Variants in OTOGL observed in about 807,000 individuals in gnomAD.
OTOGL encodes the protein otogelin like.
In OTOGL, 285 loss-of-function variants were observed where a neutral mutation model predicts 318.5. That is an observed-to-expected ratio of 0.89 (90% CI 0.81 to 0.99). OTOGL has a LOEUF of 0.99. Among genes scored for constraint, OTOGL ranks in the 50% least tolerant of loss-of-function variants. OTOGL has a pLI of 0.00. For missense variants in OTOGL, 2,899 were observed against 2,845.6 expected, an observed-to-expected ratio of 1.02 and a Z score of -0.43; for synonymous variants, 987 against 936.5, an observed-to-expected ratio of 1.05 and a Z score of -0.99.
intron 3 of OTOGL, 47 bp from the exon 4 acceptor site, chr12:80,211,902 T>C: frequency 6.9e-7 from 1 of 1,450,214 alleles, no homozygotes; most frequent in Non-Finnish European, 9.4e-7. Flanking sequence ...CTTGTTCAGG[T>C]TGCCTAGGGG....
At chr12:80,321,283 CT>C (rs1887315454) in intron 34 of OTOGL, among the ~76,000 whole-genome samples, 1 of 152,168 alleles carries the variant, frequency 6.6e-6, no homozygotes, top group Non-Finnish European at 1.5e-5. Flanking sequence ...AAAAGTCATG[CT>C]TTCTTTTCAA....
chr12:80,142,564 T>C (rs1222878814), intron 1 of OTOGL, among the ~76,000 whole-genome samples: 3 of 152,192 alleles, frequency 2.0e-5, no homozygotes, highest in Non-Finnish European at 4.4e-5. Context: ...TGCATCTGTA[T>C]TGGCAGGAAC....
chr12:80,280,752 G>C (rs1420742865), intron 26 of OTOGL, among the ~76,000 whole-genome samples: 1 of 151,818 alleles, frequency 6.6e-6, no homozygotes, highest in East Asian at 1.9e-4. Context: ...TTTCTGCTTA[G>C]GAATGGCATT....
chr12:80,234,460 G>A (rs1265498555), intron 9 of OTOGL, among the ~76,000 whole-genome samples: 1 of 152,194 alleles, frequency 6.6e-6, no homozygotes, highest in Non-Finnish European at 1.5e-5. Context: ...GGACTACTTA[G>A]AGCATGGGCT....
rs1191130901 is a variant in OTOGL, at chr12:80,352,360, T to C, written c.5331T>C (p.Cys1777=). 6.2e-7 allele frequency: 1 copy of C among 1,612,450 alleles called. No homozygotes were observed. The highest frequency in any genetic ancestry group is 1.3e-5 in the African/African-American group (1 of 74,910). Residue 1777 remains cysteine (C), a synonymous_variant, in exon 45 of 59, where the codon TGT becomes TGC. Transcript: ENST00000547103. ...INYTYFWNYE[C]DALSAYVALC... Reference sequence around the variant, plus strand: ...ATACCTATTTTTGGAACTATGAATGTGATGCACTTTCTGCATATGTGGCTC... The same window carrying C: ...ATACCTATTTTTGGAACTATGAATGCGATGCACTTTCTGCATATGTGGCTC...
chr12:80,137,472 G>C (rs1871652086), intron 1 of OTOGL, among the ~76,000 whole-genome samples: 1 of 152,070 alleles, frequency 6.6e-6, no homozygotes, highest in Non-Finnish European at 1.5e-5. Context: ...AAAACCTCTT[G>C]CCAAATTAGA....
intron 2 of OTOGL, 65 bp downstream of exon 2, chr12:80,209,575 A>G (rs1212446611): frequency 2.6e-6 from 3 of 1,144,668 alleles, no homozygotes; most frequent in Non-Finnish European, 3.7e-6. Context: ...CAATTTATAC[A>G]AATAGTTTTC....
intron 24 of OTOGL, 27 bp from the exon 25 acceptor site, chr12:80,278,141 A>G (rs1264721179): frequency 1.3e-6 from 2 of 1,488,752 alleles, no homozygotes; most frequent in Non-Finnish European, 1.8e-6. Flanking sequence ...GTTCATACTA[A>G]ATAGCATTTT....
chr12:80,134,238 A>G (rs557111174), intron 1 of OTOGL, among the ~76,000 whole-genome samples: 2 of 152,314 alleles, frequency 1.3e-5, no homozygotes, highest in African/African-American at 4.8e-5. Context: ...ATGATTTTGT[A>G]TTATTTTCCA....
chr12:80,336,238 AC>A, intron 39 of OTOGL, 98 bp downstream of exon 39: 1 of 1,369,202 alleles, frequency 7.3e-7, no homozygotes, highest in Non-Finnish European at 9.5e-7. Flanking sequence ...AGCCAAAGTT[AC>A]TGTTTTTGAG....
intron 29 of OTOGL, among the ~76,000 whole-genome samples, chr12:80,307,716 A>T (rs1379176487): frequency 7.2e-6 from 1 of 139,468 alleles, no homozygotes; most frequent in Non-Finnish European, 1.5e-5. Flanking sequence ...CACTTCCCGG[A>T]CGGGGCGGCT....
At chr12:80,131,752 G>A (rs530021086) in intron 1 of OTOGL, 1 of 152,244 alleles carries the variant, frequency 6.6e-6, no homozygotes, top group South Asian at 2.1e-4. Context: ...TTTAATCCCT[G>A]TAAGAATCAT....
chr12:80,259,851 C>A (rs1882383482), intron 18 of OTOGL, among the ~76,000 whole-genome samples: 1 of 152,044 alleles, frequency 6.6e-6, no homozygotes, highest in Admixed American at 6.6e-5. Context: ...AACATTCTTG[C>A]CCATACCCTC....
chr12:80,209,466 C>G lies in OTOGL; in HGVS notation c.35C>G (p.Pro12Arg). 1 of 1,514,276 alleles carries G rather than the reference C, an allele frequency of 6.6e-7. No homozygotes were observed. The highest frequency in any genetic ancestry group is 8.8e-7 in the Non-Finnish European group (1 of 1,132,312). The allele number at this position is 1,514,276 out of a possible 1,614,324, so 93.8% of individuals were successfully genotyped here. The change falls in exon 2 of 59, where the codon CCT becomes CGT. Residue 12 changes from proline (P) to arginine (R), a missense_variant. Transcript: ENST00000547103. ...GTAAGAAAACTCAATTTAATGATAC[C>G]TTGGAGTATATTCTTGCTTCATGTA... ...NIVRKLNLMIPWSIFLLHVLL... is the reference protein window; with the variant it reads ...NIVRKLNLMIRWSIFLLHVLL...
At chr12:80,172,610 T>C (rs983733733) in intron 1 of OTOGL, among the ~76,000 whole-genome samples, 21 of 152,066 alleles carry the variant, frequency 1.4e-4, no homozygotes, top group African/African-American at 5.1e-4. Flanking sequence ...TTCTATGTTT[T>C]TTTTTTCCTA....
chr12:80,184,657 T>C (rs1875161857), intron 1 of OTOGL, among the ~76,000 whole-genome samples: 1 of 152,124 alleles, frequency 6.6e-6, no homozygotes, highest in Admixed American at 6.5e-5. Context: ...CTGTTGCCCA[T>C]AGTGCTGGAG....
intron 19 of OTOGL, among the ~76,000 whole-genome samples, chr12:80,262,894 A>G (rs1395404979): frequency 6.6e-6 from 1 of 152,084 alleles, no homozygotes; most frequent in Non-Finnish European, 1.5e-5. Flanking sequence ...CTAGTTCACT[A>G]TTTGGATGTA....
intron 1 of OTOGL, among the ~76,000 whole-genome samples, chr12:80,144,457 G>T (rs1326936391): frequency 6.7e-6 from 1 of 148,482 alleles, no homozygotes; most frequent in Non-Finnish European, 1.5e-5. Flanking sequence ...GTCTATCATT[G>T]TTGGACATTT....
intron 1 of OTOGL, among the ~76,000 whole-genome samples, chr12:80,137,262 G>A (rs1478215144): frequency 2.0e-5 from 3 of 151,854 alleles, no homozygotes; most frequent in Non-Finnish European, 4.4e-5. Flanking sequence ...TATCTCGGTA[G>A]CAAAGAAAAA....
Sources: allele counts gnomAD v4.1 joint callset (sites outside exome capture counted in the v4.1 genomes callset), GRCh38; gene constraint gnomAD v4.1.1; transcripts MANE v1.5; gene names NCBI Gene and HGNC (gene_info 2026-07-23, HGNC 2026-07-21).